The following TBC1D30 variants were observed in gnomAD, a reference collection of about 807,000 sequenced individuals.
TBC1D30 encodes the protein TBC1 domain family member 30.
TBC1D30 carries 31 observed loss-of-function variants against 63.2 expected under a neutral mutation model. The observed-to-expected ratio is 0.49, with a 90% confidence interval of 0.37 to 0.66. The LOEUF (loss-of-function observed/expected upper bound fraction) is 0.66. Among genes scored for constraint, TBC1D30 ranks in the 30% least tolerant of loss-of-function variants. The probability of loss-of-function intolerance (pLI) is 0.00; values close to 1 mark genes in which losing one functional copy is unlikely to be tolerated. For missense variants in TBC1D30, 810 were observed against 953.6 expected, an observed-to-expected ratio of 0.85 and a Z score of 1.98; for synonymous variants, 307 against 361.5, an observed-to-expected ratio of 0.85 and a Z score of 1.71.
At chr12:64,822,186 T>A (rs779654802), upstream of TBC1D30, among the ~76,000 whole-genome samples, 48 of 151,120 alleles carry the variant, frequency 3.2e-4, no homozygotes, top group Admixed American at 8.6e-4. Context: ...ATAGCAGCCA[T>A]TTTTTTTTCT....
chr12:64,826,545 G>A (rs1874368510), intron 1 of TBC1D30, among the ~76,000 whole-genome samples: 1 of 152,076 alleles, frequency 6.6e-6, no homozygotes, highest in Admixed American at 6.6e-5. Context: ...TGTTTTCAGC[G>A]TGCCTTAAAG....
intron 2 of TBC1D30, among the ~76,000 whole-genome samples, chr12:64,805,272 C>T (rs1325981963): frequency 6.6e-6 from 1 of 152,156 alleles, no homozygotes; most frequent in Non-Finnish European, 1.5e-5. Flanking sequence ...GTCTGCAGTG[C>T]ACCACACTCC....
intron 2 of TBC1D30, among the ~76,000 whole-genome samples, chr12:64,810,431 C>T (rs952568154): frequency 2.0e-4 from 31 of 152,074 alleles, no homozygotes; most frequent in African/African-American, 6.5e-4. Flanking sequence ...GGCAAAACCC[C>T]GTCTCTACTA....
In TBC1D30 at chr12:64,830,420, T is replaced by C; in HGVS notation, c.326T>C (p.Ile109Thr). The change falls in exon 4 of 12, where the codon ATT becomes ACT. Residue 109 changes from isoleucine (I) to threonine (T), a missense_variant. Physicochemically the swap from Ile to Thr is moderately conservative, Grantham distance 89. This residue lies in a region of TBC1D30 where 272 missense variants were observed against 335.9 expected (regional missense o/e 0.81). Coordinates refer to ENST00000539867, the MANE Select transcript of TBC1D30 (RefSeq NM_015279.2). ...GATCATTATTTGCACAGTATAGCCA[T>C]TGACTGGGACAAAACCATGCGCTTC... is the stretch of plus-strand genomic sequence containing the variant. ...LADHYLHSIA[I>T]DWDKTMRFTF... 1 of 1,535,544 alleles carries C rather than the reference T, an allele frequency of 6.5e-7. No individual in the cohort carries two copies. Among genetic ancestry groups the C allele is most frequent in the Non-Finnish European group, 8.7e-7 (1 of 1,146,510 alleles).
At chr12:64,781,296 G>C in intron 1 of TBC1D30, 2 of 1,111,578 alleles carry the variant, frequency 1.8e-6, no homozygotes, top group South Asian at 1.8e-5. Context: ...GGTGAGGGCC[G>C]GGCGCAGCAG....
intron 4 of TBC1D30, 89 bp downstream of exon 4, chr12:64,830,591 C>T (rs1874767305): frequency 1.6e-6 from 2 of 1,221,524 alleles, no homozygotes; most frequent in Non-Finnish European, 2.1e-6. Flanking sequence ...CAAATGATCT[C>T]TACCTTCTGG....
intron 2 of TBC1D30, among the ~76,000 whole-genome samples, chr12:64,791,039 T>C (rs1871887853): frequency 6.6e-6 from 1 of 152,256 alleles, no homozygotes; most frequent in South Asian, 2.1e-4. Flanking sequence ...AATTCAAATG[T>C]CTATCAATGG....
intron 1 of TBC1D30, among the ~76,000 whole-genome samples, chr12:64,826,573 A>C (rs1874372445): frequency 6.6e-6 from 1 of 152,028 alleles, no homozygotes; most frequent in African/African-American, 2.4e-5. Context: ...TGGGCTGGAA[A>C]CACTCCCGTG....
At chr12:64,825,056 TG>T (rs1565659184) in intron 1 of TBC1D30, 23 bp downstream of exon 1, 1 of 1,523,838 alleles carries the variant, frequency 6.6e-7, no homozygotes, top group South Asian at 1.2e-5. Context: ...GGGCTGCAGA[TG>T]GGGCGCTGTA....
chr12:64,824,545 A>C, upstream of TBC1D30: 3 of 252,610 alleles, frequency 1.2e-5, no homozygotes, highest in Non-Finnish European at 1.5e-5. Context: ...CCGCCTGCGC[A>C]CGGCGGTGCC....
At position 64,848,186 on chromosome 12, in the gene TBC1D30, T is replaced by C. The variant is rs571664716; in HGVS notation, c.1038+4701T>C. 4.2e-4 allele frequency among the ~76,000 whole-genome samples: 64 copies of C among 152,236 alleles called. 1 individual carries two copies. The South Asian group carries it at 0.013, about 30-fold the overall frequency. ...TTGTCTTGAAATCTATTTTTTCTGA[T>C]GGAAGTATAGCTACTCCTGCTCCTT... is the stretch of plus-strand genomic sequence containing the variant. On this transcript the variant is annotated intron_variant, in intron 8 of 11. Transcript: ENST00000539867.
At chr12:64,771,601 G>A (rs143982872) in intron 1 of TBC1D30, among the ~76,000 whole-genome samples, 85 of 152,230 alleles carry the variant, frequency 5.6e-4, no homozygotes, top group African/African-American at 1.8e-3. Flanking sequence ...CTCAGCTCAC[G>A]TCCAAGGGCC....
intron 2 of TBC1D30, among the ~76,000 whole-genome samples, chr12:64,789,791 A>G (rs1244417296): frequency 6.6e-6 from 1 of 152,140 alleles, no homozygotes; most frequent in South Asian, 2.1e-4. Flanking sequence ...TTTTTCCCCT[A>G]TATTTAACCA....
exon 1 of TBC1D30, chr12:64,780,808 C>T (rs1314630179): frequency 1.0e-6 from 1 of 993,920 alleles, no homozygotes; most frequent in Admixed American, 6.1e-5. Context: ...CGCCGGGGAC[C>T]ATGGACGTCC....
chr12:64,839,760 A>T (rs1404860257), intron 7 of TBC1D30, among the ~76,000 whole-genome samples: 1 of 152,208 alleles, frequency 6.6e-6, no homozygotes, highest in African/African-American at 2.4e-5. Flanking sequence ...TAATCCCAGC[A>T]CTTTGGGAGG....
upstream of TBC1D30, among the ~76,000 whole-genome samples, chr12:64,779,814 C>T (rs1446040095): frequency 6.6e-6 from 1 of 152,168 alleles, no homozygotes; most frequent in African/African-American, 2.4e-5. Context: ...GAGAATATAA[C>T]GACACTTAAC....
At position 64,769,248 on chromosome 12, in the gene TBC1D30, C is replaced by T. The variant is rs192891429; in HGVS notation, c.-376+9599C>T. Among the ~76,000 whole-genome samples, 97 of 152,104 alleles carry T rather than the reference C, an allele frequency of 6.4e-4. 1 individual carries two copies. Among genetic ancestry groups the T allele is most frequent in the Admixed American group, 1.4e-3 (22 of 15,260 alleles). On this transcript the variant is annotated intron_variant, in intron 1 of 13. Coordinates refer to the TBC1D30 transcript ENST00000674237. ...TGAGTCAGAGTCTCACTCTGTTGCCCAGGCTAGAGTGTAATGGTGCCATCT... is the reference window on the plus strand; with the variant it reads ...TGAGTCAGAGTCTCACTCTGTTGCCTAGGCTAGAGTGTAATGGTGCCATCT...
At chr12:64,866,025 G>A (rs137882870) in intron 9 of TBC1D30, among the ~76,000 whole-genome samples, 1,740 of 152,142 alleles carry the variant, frequency 0.011, 22 homozygotes, top group African/African-American at 0.032. Context: ...ACGTACCACC[G>A]TGCCTGGATA....
At chr12:64,859,930 T>C (rs1381310597) in intron 8 of TBC1D30, among the ~76,000 whole-genome samples, 1 of 151,962 alleles carries the variant, frequency 6.6e-6, no homozygotes, top group East Asian at 1.9e-4. Flanking sequence ...CTCAATCTCC[T>C]CTCTTTCCCA....
Sources: gnomAD v4.1 joint callset for allele counts (sites outside exome capture counted in the v4.1 genomes callset) on GRCh38, gnomAD v4.1.1 for gene constraint, gnomAD v4.1.1 regional missense constraint, MANE v1.5 for transcripts, NCBI Gene and HGNC (gene_info 2026-07-23, HGNC 2026-07-21) for gene names.